Variants in RHEB observed in about 807,000 individuals in gnomAD.
RHEB encodes the protein GTP-binding protein Rheb.
RHEB carries 2 observed loss-of-function variants against 28.8 expected under a neutral mutation model. The ratio of observed to expected loss-of-function variants is 0.07; its 90% CI spans 0.03 to 0.22. The LOEUF (loss-of-function observed/expected upper bound fraction) is 0.22. RHEB is among the 10% of genes least tolerant of loss of function. RHEB has a pLI of 1.00. For synonymous variants in RHEB, 69 were observed against 77.3 expected (o/e 0.89, Z 0.56); for missense variants, 76 against 219.9 (o/e 0.35, Z 4.14).
intron 1 of RHEB, among the ~76,000 whole-genome samples, chr7:151,507,407 A>AT (rs3216485): frequency 0.44 from 66,907 of 151,332 alleles, 15,455 homozygotes; most frequent in South Asian, 0.6. Flanking sequence ...ACACATATAT[A>AT]TAGTGTCACT....
Position 151,467,128 on chromosome 7 carries a change from C to G in RHEB, c.546G>C (p.Ser182=), listed in dbSNP as rs916987578. The change falls in exon 8 of 8, where the codon TCG becomes TCC. Residue 182 remains serine (S), a synonymous_variant. Transcript: ENST00000262187. ...GAASQGKSSC[S]VM ...AGGCTTTGCAGCAGAATCACATCACCGAGCATGAAGACTTGCCTTGTGAAG... is the reference window on the plus strand; with the variant it reads ...AGGCTTTGCAGCAGAATCACATCACGGAGCATGAAGACTTGCCTTGTGAAG... 8 of 1,612,106 alleles carry G rather than the reference C, an allele frequency of 5.0e-6. No individual in the cohort carries two copies. Among genetic ancestry groups the G allele is most frequent in the Non-Finnish European group, 6.8e-6 (8 of 1,178,362 alleles).
At chr7:151,489,616 G>A (rs1802543373) in intron 2 of RHEB, among the ~76,000 whole-genome samples, 3 of 152,280 alleles carry the variant, frequency 2.0e-5, no homozygotes. Flanking sequence ...AATATTTTAG[G>A]CTTTGTAGGC....
intron 1 of RHEB, among the ~76,000 whole-genome samples, chr7:151,492,607 ACT>A (rs1802603751): frequency 6.7e-6 from 1 of 149,476 alleles, no homozygotes; most frequent in Non-Finnish European, 1.5e-5. Flanking sequence ...ACAGAGTGAG[ACT>A]CTGTCTTATA....
At chr7:151,510,666 T>C (rs889874462) in intron 1 of RHEB, among the ~76,000 whole-genome samples, 3 of 152,194 alleles carry the variant, frequency 2.0e-5, no homozygotes, top group East Asian at 1.9e-4. Context: ...AACACCTAAT[T>C]TGAATAACAC....
chr7:151,499,383 G>T (rs1802731014), intron 1 of RHEB, among the ~76,000 whole-genome samples: 1 of 152,144 alleles, frequency 6.6e-6, no homozygotes, highest in African/African-American at 2.4e-5. Context: ...GACAGGAAAG[G>T]AAAGGGCAGG....
chr7:151,507,808 A>G (rs1434427957), intron 1 of RHEB, among the ~76,000 whole-genome samples: 1 of 152,236 alleles, frequency 6.6e-6, no homozygotes, highest in African/African-American at 2.4e-5. Context: ...GCCAATTATT[A>G]TGCTACCAGA....
chr7:151,488,342 T>C (rs1802520896), intron 2 of RHEB, among the ~76,000 whole-genome samples: 1 of 152,222 alleles, frequency 6.6e-6, no homozygotes, highest in Admixed American at 6.5e-5. Flanking sequence ...GACACTTCAC[T>C]GAAATGTGTC....
intron 4 of RHEB, among the ~76,000 whole-genome samples, chr7:151,473,096 C>T (rs2150921156): frequency 6.6e-6 from 1 of 152,344 alleles, no homozygotes; most frequent in African/African-American, 2.4e-5. Context: ...GTGTCATCTC[C>T]CTGCATGGAC....
chr7:151,491,363 A>G (rs1395043161), intron 1 of RHEB, among the ~76,000 whole-genome samples: 1 of 152,216 alleles, frequency 6.6e-6, no homozygotes, highest in East Asian at 1.9e-4. Context: ...TTTAATTTTA[A>G]TATGAAAATT....
At position 151,466,527 on chromosome 7, in the gene RHEB, C is replaced by G. The variant is rs1802066127; in HGVS notation, c.*592G>C. ...TCAGCTTCAATCAGCTGTAACCCAG[C>G]CCCAACATCTGCAGGCCACTGCGCA... On this transcript the variant is annotated 3_prime_UTR_variant, in exon 8 of 8. Coordinates refer to ENST00000262187, the MANE Select transcript of RHEB (RefSeq NM_005614.4). 1 of 153,048 alleles carries G rather than the reference C, an allele frequency of 6.5e-6. No individual in the cohort carries two copies. Among genetic ancestry groups the G allele is most frequent in the African/African-American group, 2.4e-5 (1 of 41,434 alleles). The allele number at this position is 153,048 out of a possible 1,614,324, so 9.5% of individuals were successfully genotyped here.
chr7:151,485,167 C>A (rs925323194), intron 2 of RHEB, among the ~76,000 whole-genome samples: 1 of 152,180 alleles, frequency 6.6e-6, no homozygotes, highest in Non-Finnish European at 1.5e-5. Flanking sequence ...ACCAAAACCA[C>A]AAAAATTTTC....
chr7:151,473,516 T>C (rs1255017840), intron 4 of RHEB, among the ~76,000 whole-genome samples: 3 of 152,218 alleles, frequency 2.0e-5, no homozygotes, highest in African/African-American at 7.2e-5. Context: ...CTGTTCTAAG[T>C]GGCTAAATTT....
chr7:151,497,589 A>G (rs1802695811), intron 1 of RHEB, among the ~76,000 whole-genome samples: 1 of 152,124 alleles, frequency 6.6e-6, no homozygotes, highest in Non-Finnish European at 1.5e-5. Flanking sequence ...ATGACTTCTG[A>G]GCTATGAGGA....
At chr7:151,485,265 A>G (rs541283613) in intron 2 of RHEB, among the ~76,000 whole-genome samples, 1 of 152,360 alleles carries the variant, frequency 6.6e-6, no homozygotes, top group East Asian at 1.9e-4. Context: ...AAGAAGTAAC[A>G]GTTTTACTGA....
At chr7:151,502,692 C>A (rs1802794059) in intron 1 of RHEB, 3 of 1,609,752 alleles carry the variant, frequency 1.9e-6, no homozygotes, top group South Asian at 2.2e-5. Flanking sequence ...AAGTCCTGCA[C>A]AAATTCACTG....
intron 1 of RHEB, among the ~76,000 whole-genome samples, chr7:151,517,447 T>C (rs1214695143): frequency 6.6e-6 from 1 of 150,958 alleles, no homozygotes; most frequent in African/African-American, 2.4e-5. Context: ...ATGACTACGC[T>C]TGAAAATAAA....
Position 151,466,819 on chromosome 7 carries a change from T to C in RHEB, c.*300A>G, listed in dbSNP as rs572897514. 5 of 287,884 alleles carry C rather than the reference T, an allele frequency of 1.7e-5. No homozygotes were observed. The highest frequency in any genetic ancestry group is 3.3e-5 in the Non-Finnish European group (5 of 152,964). The allele number at this position is 287,884 out of a possible 1,614,324, so 17.8% of individuals were successfully genotyped here. On this transcript the variant is annotated 3_prime_UTR_variant, in exon 8 of 8. Coordinates refer to ENST00000262187, the MANE Select transcript of RHEB (RefSeq NM_005614.4). ...GTAACAATATGCATCATTTTGATGA[T>C]TACATTATTTTAAACAACAAACTAC...
chr7:151,493,280 C>T (rs1802617330), intron 1 of RHEB, among the ~76,000 whole-genome samples: 1 of 152,094 alleles, frequency 6.6e-6, no homozygotes, highest in Non-Finnish European at 1.5e-5. Context: ...GGAGTTCCTG[C>T]CTGCCTTGGC....
At chr7:151,517,147 T>C (rs1030580394) in intron 1 of RHEB, among the ~76,000 whole-genome samples, 11 of 152,286 alleles carry the variant, frequency 7.2e-5, no homozygotes, top group Admixed American at 7.2e-4. Context: ...GAGGACCACC[T>C]GAGGTCAGGC....
Sources: gnomAD v4.1 joint callset for allele counts (sites outside exome capture counted in the v4.1 genomes callset) on GRCh38, gnomAD v4.1.1 for gene constraint, MANE v1.5 for transcripts, NCBI Gene and HGNC (gene_info 2026-07-23, HGNC 2026-07-21) for gene names.